The following ARHGEF3 variants were observed in gnomAD, a reference collection of about 807,000 sequenced individuals.
ARHGEF3 encodes the protein Rho guanine nucleotide exchange factor 3.
A neutral mutation model predicts 63.2 loss-of-function variants in ARHGEF3; 28 were observed. The observed-to-expected ratio is 0.44, with a 90% CI of 0.33 to 0.61. ARHGEF3 has a LOEUF of 0.61. Among genes scored for constraint, ARHGEF3 ranks in the 20% least tolerant of loss-of-function variants. ARHGEF3 has a pLI of 0.03. For synonymous variants in ARHGEF3, 266 were observed against 254.2 expected (o/e 1.05, Z -0.44); for missense variants, 533 against 659.3 (o/e 0.81, Z 2.10).
chr3:56,967,767 A>AATATATATATTATATATAAT (rs779278107), intron 2 of ARHGEF3, among the ~76,000 whole-genome samples: 1 of 84,252 alleles, frequency 1.2e-5, no homozygotes, highest in Non-Finnish European at 2.0e-5. Context: ...AATTATATAT[A>AATATATATATTATATATAAT]ATATATTATA....
intron 4 of ARHGEF3, among the ~76,000 whole-genome samples, chr3:56,845,415 GC>G (rs143975974): frequency 3.1e-4 from 47 of 152,262 alleles, no homozygotes; most frequent in African/African-American, 1.1e-3. Context: ...ATCATATACA[GC>G]CTGGTCTCAC....
intron 4 of ARHGEF3, among the ~76,000 whole-genome samples, chr3:56,876,632 T>C (rs528634537): frequency 6.6e-6 from 1 of 152,064 alleles, no homozygotes; most frequent in South Asian, 2.1e-4. Context: ...AAGTATTCCT[T>C]GCCAGGAGAT....
intron 4 of ARHGEF3, among the ~76,000 whole-genome samples, chr3:56,816,059 T>C (rs1003684018): frequency 1.1e-4 from 16 of 152,078 alleles, no homozygotes; most frequent in Non-Finnish European, 1.6e-4. Flanking sequence ...ACACAAAATG[T>C]AAAAATTTAG....
intron 2 of ARHGEF3, among the ~76,000 whole-genome samples, chr3:56,989,322 C>T (rs751769756): frequency 6.6e-6 from 1 of 152,026 alleles, no homozygotes; most frequent in East Asian, 1.9e-4. Context: ...CTAGAAATGG[C>T]CCTGTGGATG....
At chr3:56,764,101 T>C (rs10510788) in intron 2 of ARHGEF3, among the ~76,000 whole-genome samples, 50,924 of 151,992 alleles carry the variant, frequency 0.34, 9,680 homozygotes, top group Middle Eastern at 0.56. Flanking sequence ...AATCAATAAA[T>C]GTCAAACCTC....
chr3:56,830,362 T>C (rs1203589768), intron 4 of ARHGEF3, among the ~76,000 whole-genome samples: 1 of 152,138 alleles, frequency 6.6e-6, no homozygotes, highest in African/African-American at 2.4e-5. Context: ...CCACATTTCA[T>C]GCAATCTTCC....
In ARHGEF3 at chr3:57,042,700, A is replaced by ATTTTTTT. The variant is rs869145503; in HGVS notation, c.-27-7531_-27-7525dup. 5.0e-4 allele frequency among the ~76,000 whole-genome samples: 33 copies of ATTTTTTT among 66,126 alleles called. 3 individuals are homozygous for ATTTTTTT. Among genetic ancestry groups the ATTTTTTT allele is most frequent in the African/African-American group, 1.5e-3 (31 of 20,006 alleles). 43.4% of individuals were successfully genotyped at this position (66,126 alleles called of 152,430 possible). ...TATATATATATATATATATATATAT[A>ATTTTTTT]TTTTTTTTTTTTTTTAGACGGAGTC... On this transcript the variant is annotated intron_variant, in intron 1 of 12. Coordinates refer to the ARHGEF3 transcript ENST00000338458.
In ARHGEF3 at chr3:57,057,168, G is replaced by A. The variant is rs985087669; in HGVS notation, c.-27-21992C>T. On this transcript the variant is annotated intron_variant, in intron 1 of 12. Transcript: ENST00000338458. Reference sequence around the variant, plus strand: ...ACTTTGTTGCTCAGGCTGGGGTGCAGCAGCATGATATCGGCTCACTGCAAC... The same window carrying A: ...ACTTTGTTGCTCAGGCTGGGGTGCAACAGCATGATATCGGCTCACTGCAAC... 3.3e-5 allele frequency among the ~76,000 whole-genome samples: 5 copies of A among 152,228 alleles called. No individual in the cohort carries two copies. The East Asian group carries it at 9.6e-4, about 29-fold the overall frequency.
intron 2 of ARHGEF3, among the ~76,000 whole-genome samples, chr3:56,762,173 A>G (rs769776490): frequency 1.3e-5 from 2 of 152,162 alleles, no homozygotes; most frequent in Non-Finnish European, 2.9e-5. Flanking sequence ...GGTAACTAGA[A>G]GAGGCCCACC....
chr3:57,014,116 G>T (rs550360923), intron 2 of ARHGEF3, among the ~76,000 whole-genome samples: 2 of 151,896 alleles, frequency 1.3e-5, no homozygotes, highest in African/African-American at 4.8e-5. Flanking sequence ...CTCCAGACGT[G>T]ACCCCTTAAG....
At position 56,745,302 on chromosome 3, in the gene ARHGEF3, A is replaced by G; in HGVS notation, c.773T>C (p.Ile258Thr). The G allele has an allele frequency of 4.3e-6, 7 of 1,614,096 alleles. No homozygotes were observed. The highest frequency in any genetic ancestry group is 5.1e-6 in the Non-Finnish European group (6 of 1,180,026). The change falls in exon 7 of 10, where the codon ATT becomes ACT. Residue 258 changes from isoleucine (I) to threonine (T), a missense_variant. Around this residue, in one of 4 missense-constraint regions of ARHGEF3, gnomAD observed 107 missense variants for 207.9 expected, o/e 0.51. Transcript: ENST00000296315. ...GTATTTTACCAGGCGGCTTCTTGGAATATCGAGGAAATTCCAGAGATCTAG... is the reference window on the plus strand; with the variant it reads ...GTATTTTACCAGGCGGCTTCTTGGAGTATCGAGGAAATTCCAGAGATCTAG... The part of the protein sequence containing the change: ...RKLDLWNFLD[I>T]PRSRLVKYPL...
chr3:57,023,694 G>A (rs573092018), intron 2 of ARHGEF3, among the ~76,000 whole-genome samples: 87 of 152,242 alleles, frequency 5.7e-4, no homozygotes, highest in African/African-American at 2.0e-3. Context: ...TGTGGAGTCC[G>A]GACCTTGGCA....
intron 4 of ARHGEF3, among the ~76,000 whole-genome samples, chr3:56,839,253 TTA>T (rs1041716059): frequency 1.3e-5 from 2 of 152,096 alleles, no homozygotes; most frequent in South Asian, 4.2e-4. Flanking sequence ...AAAGGCTGGA[TTA>T]TATATATATA....
In ARHGEF3 at chr3:56,763,991, G is replaced by A. The variant is rs114306351; in HGVS notation, c.205-8840C>T. ...ACGAACATGAAAGACAATGAACACTGAGTTAGAAATGGTGCAATAAACATA... is the reference window on the plus strand; with the variant it reads ...ACGAACATGAAAGACAATGAACACTAAGTTAGAAATGGTGCAATAAACATA... On this transcript the variant is annotated intron_variant, in intron 2 of 9. Transcript: ENST00000296315. 9.7e-3 allele frequency among the ~76,000 whole-genome samples: 1,475 copies of A among 152,204 alleles called. 26 individuals are homozygous for A. Among genetic ancestry groups the A allele is most frequent in the African/African-American group, 0.034 (1,405 of 41,528 alleles).
At position 56,860,065 on chromosome 3, in the gene ARHGEF3, T is replaced by TAGATAGATAGAC. The variant is rs2040020958; in HGVS notation, c.192+22226_192+22227insGTCTATCTATCT. On this transcript the variant is annotated intron_variant, in intron 4 of 12. Transcript: ENST00000338458. ...AGAGATAGATAGATAGATAGATAGATAGATCGATAGATAGATAAAAATTAA... is the reference window on the plus strand; with the variant it reads ...AGAGATAGATAGATAGATAGATAGATAGATAGATAGACAGATCGATAGATAGATAAAAATTAA... 2.0e-5 allele frequency among the ~76,000 whole-genome samples: 3 copies of TAGATAGATAGAC among 152,072 alleles called. No homozygotes were observed. In the South Asian group the frequency reaches 6.2e-4, roughly 32 times the overall value.
chr3:57,033,709 T>C (rs1703830503), intron 2 of ARHGEF3, among the ~76,000 whole-genome samples: 1 of 152,118 alleles, frequency 6.6e-6, no homozygotes, highest in African/African-American at 2.4e-5. Flanking sequence ...GGATTTCATT[T>C]GTATTTTTAA....
chr3:57,029,950 A>G (rs1054828919), intron 2 of ARHGEF3, among the ~76,000 whole-genome samples: 2 of 152,178 alleles, frequency 1.3e-5, no homozygotes, highest in African/African-American at 4.8e-5. Flanking sequence ...GAACAAAGCT[A>G]CTAAAAATCA....
intron 2 of ARHGEF3, among the ~76,000 whole-genome samples, chr3:56,757,440 C>T (rs1559910618): frequency 6.6e-6 from 1 of 151,828 alleles, no homozygotes; most frequent in African/African-American, 2.4e-5. Flanking sequence ...TGCCACTGCA[C>T]TCCAGTCTGG....
At chr3:56,855,946 G>A (rs2039862973) in intron 4 of ARHGEF3, among the ~76,000 whole-genome samples, 1 of 152,220 alleles carries the variant, frequency 6.6e-6, no homozygotes, top group Non-Finnish European at 1.5e-5. Flanking sequence ...AAAGACAAGT[G>A]TCATTTTTCA....
Sources: allele counts gnomAD v4.1 joint callset (sites outside exome capture counted in the v4.1 genomes callset), GRCh38; gene constraint gnomAD v4.1.1; regional missense constraint gnomAD v4.1.1; transcripts MANE v1.5; gene names NCBI Gene and HGNC (gene_info 2026-07-23, HGNC 2026-07-21).